The following CFHR2 variants were observed in gnomAD, a reference collection of about 807,000 sequenced individuals.
CFHR2 encodes the protein complement factor H related 2.
CFHR2 carries 22 observed loss-of-function variants against 21.7 expected under a neutral mutation model. That is an observed-to-expected ratio of 1.01 (90% CI 0.72 to 1.45). The LOEUF (loss-of-function observed/expected upper bound fraction) is 1.45. CFHR2 is among the 40% of genes most tolerant of loss of function. The probability of loss-of-function intolerance (pLI) is 0.00; values close to 1 mark genes in which losing one functional copy is unlikely to be tolerated. For missense variants in CFHR2, 294 were observed against 293.3 expected, an observed-to-expected ratio of 1.00 and a Z score of -0.02; for synonymous variants, 98 against 97.4, an observed-to-expected ratio of 1.01 and a Z score of -0.04.
chr1:196,947,478 A>C (rs1659551761), intron 1 of CFHR2, among the ~76,000 whole-genome samples: 2 of 152,222 alleles, frequency 1.3e-5, no homozygotes, highest in South Asian at 4.1e-4. Flanking sequence ...GGTTAATACT[A>C]TCAAGATGGG....
At chr1:196,946,193 A>G (rs1477807676) in intron 1 of CFHR2, among the ~76,000 whole-genome samples, 1 of 152,256 alleles carries the variant, frequency 6.6e-6, no homozygotes, top group Admixed American at 6.5e-5. Context: ...GGCTTAGAAC[A>G]TCACCATACA....
At chr1:196,952,901 C>T (rs1652674924) in intron 3 of CFHR2, among the ~76,000 whole-genome samples, 1 of 152,152 alleles carries the variant, frequency 6.6e-6, no homozygotes, top group Non-Finnish European at 1.5e-5. Context: ...CCCTCTTTGC[C>T]TGTCCCTTAT....
Position 196,949,563 on chromosome 1 carries a change from A to T in CFHR2, c.167A>T (p.Glu56Val). Residue 56 changes from glutamate to valine, a missense_variant, in exon 2 of 5, where the codon GAA becomes GTA. Transcript: ENST00000367415. ...PTGEVFYYSC[E>V]YNFVSPSKSF... ...GGGGAAGTTTTCTATTACTCCTGTGAATATAATTTTGTGTCTCCTTCAAAA... is the reference window on the plus strand; with the variant it reads ...GGGGAAGTTTTCTATTACTCCTGTGTATATAATTTTGTGTCTCCTTCAAAA... The T allele has an allele frequency of 6.2e-7, 1 of 1,614,084 alleles. No individual in the cohort carries two copies. The highest frequency in any genetic ancestry group is 8.5e-7 in the Non-Finnish European group (1 of 1,179,978).
chr1:196,949,427 A>T, intron 1 of CFHR2, 28 bp from the exon 2 acceptor site: 1 of 1,577,732 alleles, frequency 6.3e-7, no homozygotes, highest in Non-Finnish European at 8.7e-7. Flanking sequence ...TTATTATGTA[A>T]TTCTTCAGTT....
In CFHR2 at chr1:196,956,474, C is replaced by T. The variant is rs182971573; in HGVS notation, c.431-1417C>T. Among the ~76,000 whole-genome samples, 609 of 152,260 alleles carry T rather than the reference C, an allele frequency of 4.0e-3. 7 individuals carry two copies. The highest frequency in any genetic ancestry group is 0.012 in the African/African-American group (519 of 41,554). ...TTCAGCTCAATACTTTTTCTCTTCT[C>T]TTTCTGGATTGCCTCTCCTTATTTG... On this transcript the variant is annotated intron_variant, in intron 3 of 4. Coordinates refer to ENST00000367415, the MANE Select transcript of CFHR2 (RefSeq NM_005666.4).
chr1:196,958,082 T>G lies in CFHR2; in HGVS notation c.613+9T>G, dbSNP rs764529792. ...ACCACCAAAATGCTTAGGTAAGTAC[T>G]TTAATATTCTCATGGATTCTGGAAA... On this transcript the variant is annotated intron_variant, in intron 4 of 4. Coordinates refer to ENST00000367415, the MANE Select transcript of CFHR2 (RefSeq NM_005666.4). The G allele has an allele frequency of 6.2e-7, 1 of 1,611,258 alleles. No homozygotes were observed. The highest frequency in any genetic ancestry group is 1.1e-5 in the South Asian group (1 of 90,962).
chr1:196,951,668 T>C (rs1420286422), intron 3 of CFHR2, among the ~76,000 whole-genome samples: 1 of 152,094 alleles, frequency 6.6e-6, no homozygotes, highest in Non-Finnish European at 1.5e-5. Flanking sequence ...CACAGCTCTG[T>C]ATTCAACTAA....
intron 1 of CFHR2, among the ~76,000 whole-genome samples, chr1:196,948,501 C>T (rs1659602092): frequency 6.6e-6 from 1 of 152,050 alleles, no homozygotes; most frequent in Non-Finnish European, 1.5e-5. Context: ...GTCTCAAACT[C>T]CTGACCTCAA....
In CFHR2 at chr1:196,957,886, T is replaced by G. The variant is rs1384297556; in HGVS notation, c.431-5T>G. 1.9e-6 allele frequency: 3 copies of G among 1,608,862 alleles called. No homozygotes were observed. The Admixed American group carries it at 5.0e-5, about 27-fold the overall frequency. ...CTCCCAGTAAATCAAATGATGTTTT[T>G]TTAGTTTCTGCAGAAAAATGTGGGC... is the stretch of plus-strand genomic sequence containing the variant. On this transcript the variant is annotated splice_polypyrimidine_tract_variant and splice_region_variant and intron_variant, in intron 3 of 4. Transcript: ENST00000367415.
chr1:196,954,686 A>AC (rs397982516), intron 3 of CFHR2, among the ~76,000 whole-genome samples: 1 of 151,718 alleles, frequency 6.6e-6, no homozygotes, highest in Non-Finnish European at 1.5e-5. Flanking sequence ...CCAAAAAAAA[A>AC]CCTCAAATCT....
chr1:196,956,119 T>G (rs1473079779), intron 3 of CFHR2, among the ~76,000 whole-genome samples: 4 of 152,102 alleles, frequency 2.6e-5, no homozygotes, highest in African/African-American at 7.2e-5. Flanking sequence ...CCTCAATATC[T>G]GGGGATTACA....
intron 3 of CFHR2, among the ~76,000 whole-genome samples, chr1:196,953,256 T>TTATG (rs1652715279): frequency 6.6e-6 from 1 of 151,868 alleles, no homozygotes; most frequent in African/African-American, 2.4e-5. Context: ...ATTTATTTAT[T>TTATG]TATTTATTTA....
In CFHR2 at chr1:196,949,497, A is replaced by G. The variant is rs768921374; in HGVS notation, c.101A>G (p.Tyr34Cys). 8 of 1,613,884 alleles carry G rather than the reference A, an allele frequency of 5.0e-6. No individual in the cohort carries two copies. In the South Asian group the frequency reaches 8.8e-5, roughly 18 times the overall value. Residue 34 changes from tyrosine to cysteine, a missense_variant, in exon 2 of 5, where the codon TAT becomes TGT. Tyr to Cys is a radical substitution (Grantham distance 194). Transcript: ENST00000367415. ...CCAAAAATAAACCATGGAATTCTAT[A>G]TGATGAAGAAAAATATAAGCCATTT... is the stretch of plus-strand genomic sequence containing the variant. Reference protein sequence around the residue: ...DFPKINHGILYDEEKYKPFSQ... With the variant: ...DFPKINHGILCDEEKYKPFSQ...
rs2125017023 is a variant in CFHR2 at position 196,959,404 on chromosome 1, T to C, written c.*324T>C. Among the ~76,000 whole-genome samples the C allele has an allele frequency of 6.6e-6, 1 of 152,168 alleles. No individual in the cohort carries two copies. Among genetic ancestry groups the C allele is most frequent in the African/African-American group, 2.4e-5 (1 of 41,560 alleles). On this transcript the variant is annotated 3_prime_UTR_variant, in exon 5 of 5. Coordinates refer to ENST00000367415, the MANE Select transcript of CFHR2 (RefSeq NM_005666.4). The stretch of plus-strand genomic sequence containing the variant: ...TCAGTTAGGGTAATTAGTATATCCA[T>C]TATCTCAAACATTTTTCATTTCTTT...
intron 1 of CFHR2, among the ~76,000 whole-genome samples, chr1:196,947,990 T>C (rs1571483564): frequency 6.6e-6 from 1 of 152,114 alleles, no homozygotes; most frequent in African/African-American, 2.4e-5. Context: ...TAAAGTCTTA[T>C]AAAAATATGT....
Position 196,959,098 on chromosome 1 carries a change from T to C in CFHR2, c.*18T>C. 6.6e-7 allele frequency: 1 copy of C among 1,512,130 alleles called. No homozygotes were observed. Among genetic ancestry groups the C allele is most frequent in the African/African-American group, 1.4e-5 (1 of 72,354 alleles). 93.7% of individuals were successfully genotyped at this position (1,512,130 alleles called of 1,614,324 possible). On this transcript the variant is annotated 3_prime_UTR_variant, in exon 5 of 5. Transcript: ENST00000367415. ...AAAAATAGAATCAATGGCATTACTATTAGTAAAATGCACACCTTTTTCTGA... is the reference window on the plus strand; with the variant it reads ...AAAAATAGAATCAATGGCATTACTACTAGTAAAATGCACACCTTTTTCTGA...
intron 3 of CFHR2, among the ~76,000 whole-genome samples, chr1:196,957,092 A>G (rs1652914267): frequency 6.6e-6 from 1 of 152,268 alleles, no homozygotes; most frequent in South Asian, 2.1e-4. Context: ...ATTGTTAAAA[A>G]TGATTTTTGT....
At chr1:196,956,877 T>G (rs1225118476) in intron 3 of CFHR2, among the ~76,000 whole-genome samples, 1 of 151,786 alleles carries the variant, frequency 6.6e-6, no homozygotes, top group Admixed American at 6.6e-5. Context: ...AAAATCTTAT[T>G]TGGCAGGTTC....
intron 3 of CFHR2, 94 bp downstream of exon 3, chr1:196,951,122 G>GTTT: frequency 7.2e-7 from 1 of 1,397,638 alleles, no homozygotes; most frequent in African/African-American, 1.4e-5. Flanking sequence ...TTAAATATAG[G>GTTT]TTTTGCCACA....
Sources: gnomAD v4.1 joint callset for allele counts (sites outside exome capture counted in the v4.1 genomes callset) on GRCh38, gnomAD v4.1.1 for gene constraint, MANE v1.5 for transcripts, NCBI Gene and HGNC (gene_info 2026-07-23, HGNC 2026-07-21) for gene names.